SLIT1: variants seen among roughly 807,000 people sequenced by gnomAD.
SLIT1 encodes the protein slit guidance ligand 1, also known as slit homolog 1 protein.
Under a neutral mutation model 186.1 loss-of-function variants are expected in SLIT1, and 66 were observed. The ratio of observed to expected loss-of-function variants is 0.35; its 90% CI spans 0.29 to 0.44. SLIT1 has a LOEUF of 0.44. Among genes scored for constraint, SLIT1 ranks in the 20% least tolerant of loss-of-function variants. The pLI, the probability that SLIT1 is intolerant of heterozygous loss-of-function variation, is 1.00. For synonymous variants in SLIT1, 761 were observed against 833.8 expected, an observed-to-expected ratio of 0.91 and a Z score of 1.50; for missense variants, 1,638 against 2,037.4, an observed-to-expected ratio of 0.80 and a Z score of 3.77.
At chr10:97,185,304 C>A (rs1489372312) in intron 1 of SLIT1, among the ~76,000 whole-genome samples, 174 bp downstream of exon 1, 1 of 152,034 alleles carries the variant, frequency 6.6e-6, no homozygotes, top group Admixed American at 6.5e-5. Flanking sequence ...ATGGGGAAAC[C>A]ACGGCGCTCC....
chr10:97,117,630 A>T (rs1383623263), intron 4 of SLIT1, among the ~76,000 whole-genome samples: 1 of 152,098 alleles, frequency 6.6e-6, no homozygotes, highest in Non-Finnish European at 1.5e-5. Flanking sequence ...TATATAAATA[A>T]TCTCTTCGGT....
Position 97,021,230 on chromosome 10 carries a change from G to A in SLIT1, c.2746+20C>T, listed in dbSNP as rs756976941. 6.8e-6 allele frequency: 11 copies of A among 1,609,678 alleles called. No individual in the cohort carries two copies. The highest frequency in any genetic ancestry group is 8.5e-6 in the Non-Finnish European group (10 of 1,177,688). On this transcript the variant is annotated intron_variant, in intron 26 of 36. Coordinates refer to ENST00000266058, the MANE Select transcript of SLIT1 (RefSeq NM_003061.3). The surrounding 1 kb of genome is among the most constrained non-coding windows in gnomAD (Gnocchi z 4.5). The stretch of plus-strand genomic sequence containing the variant: ...GTTCTGTGAGCCCCCAGCAGCAGGA[G>A]GCTGTGCTCCTAGGCTCACCTTGGC...
At chr10:97,132,333 C>T (rs896971641) in intron 4 of SLIT1, among the ~76,000 whole-genome samples, 1 of 152,194 alleles carries the variant, frequency 6.6e-6, no homozygotes, top group East Asian at 1.9e-4. Context: ...TCTCTCCCCT[C>T]CCCACCAGGT....
intron 4 of SLIT1, among the ~76,000 whole-genome samples, chr10:97,083,384 G>C (rs1849124555): frequency 6.6e-6 from 1 of 152,204 alleles, no homozygotes; most frequent in South Asian, 2.1e-4. Context: ...TCTTCAAACT[G>C]ACGGGCAAGT....
At position 97,043,924 on chromosome 10, in the gene SLIT1, G is replaced by A. The variant is rs1181124907; in HGVS notation, c.1854-411C>T. Among the ~76,000 whole-genome samples, 1 of 152,164 alleles carries A rather than the reference G, an allele frequency of 6.6e-6. No homozygotes were observed. The highest frequency in any genetic ancestry group is 2.4e-5 in the African/African-American group (1 of 41,426). Reference sequence around the variant, plus strand: ...TAACAGCCTCCAAACTGCCCACCGAGTCATGCTCGAACTCCTTACTGTGAC... The same window carrying A: ...TAACAGCCTCCAAACTGCCCACCGAATCATGCTCGAACTCCTTACTGTGAC... On this transcript the variant is annotated intron_variant, in intron 18 of 36. Transcript: ENST00000266058. The surrounding 1 kb of genome is among the most constrained non-coding windows in gnomAD (Gnocchi z 7.0).
intron 13 of SLIT1, among the ~76,000 whole-genome samples, chr10:97,053,222 T>C (rs1415634732): frequency 1.3e-5 from 2 of 152,220 alleles, no homozygotes; most frequent in African/African-American, 4.8e-5. Context: ...CCCCAAGGTT[T>C]TCCTGTGTGT....
intron 3 of SLIT1, among the ~76,000 whole-genome samples, chr10:97,158,872 T>G (rs571524210): frequency 1.0e-3 from 158 of 150,752 alleles, no homozygotes; most frequent in African/African-American, 3.6e-3. Context: ...TGAGACTCTG[T>G]CTCAGAGAAG....
In SLIT1 at chr10:97,185,729, C is replaced by T. The variant is rs1850405610; in HGVS notation, c.-55G>A. The T allele has an allele frequency of 7.2e-7, 1 of 1,395,034 alleles. No homozygotes were observed. Among genetic ancestry groups the T allele is most frequent in the Non-Finnish European group, 9.3e-7 (1 of 1,072,700 alleles). The allele number at this position is 1,395,034 out of a possible 1,614,324, so 86.4% of individuals were successfully genotyped here. A position where few individuals can be genotyped will look rare whatever the true frequency, so the allele number is the denominator to read the frequency against. On this transcript the variant is annotated 5_prime_UTR_variant, in exon 1 of 37. Coordinates refer to ENST00000266058, the MANE Select transcript of SLIT1 (RefSeq NM_003061.3). ...CAGACGGCAGCAGCCGCTGACCATC[C>T]CCGTCCGGGGCCGCCTCCAGGTGCA...
Position 97,058,186 on chromosome 10 carries a change from T to C in SLIT1, c.1086-905A>G, listed in dbSNP as rs1848859106. 4 of 652,696 alleles carry C rather than the reference T, an allele frequency of 6.1e-6. No homozygotes were observed. The South Asian group carries it at 6.6e-5, about 11-fold the overall frequency. 40.4% of individuals were successfully genotyped at this position (652,696 alleles called of 1,614,324 possible). On this transcript the variant is annotated intron_variant, in intron 11 of 36. Transcript: ENST00000266058. ...GGAAGCCACTGAGACAGCATCAGAT[T>C]CCCATTTCAGAAACACCCCTCAAGC...
At chr10:97,030,864 G>C (rs1487904444) in intron 24 of SLIT1, 36 bp from the exon 25 acceptor site, 10 of 1,572,700 alleles carry the variant, frequency 6.4e-6, no homozygotes, top group Non-Finnish European at 8.7e-6. Flanking sequence ...CCTTATCCAG[G>C]GACAGAGATG....
chr10:97,023,795 T>C (rs187405991), intron 25 of SLIT1, among the ~76,000 whole-genome samples: 1 of 152,058 alleles, frequency 6.6e-6, no homozygotes, highest in East Asian at 1.9e-4. Flanking sequence ...GTACAAAAAT[T>C]AGCCGGGTGT....
intron 16 of SLIT1, 39 bp from the exon 17 acceptor site, chr10:97,047,104 A>G (rs763066961): frequency 1.4e-5 from 19 of 1,319,164 alleles, no homozygotes; most frequent in Admixed American, 6.7e-5. Context: ...TTCACAAATG[A>G]TGGACATTTC....
chr10:97,029,868 T>C (rs1444843262), intron 25 of SLIT1, among the ~76,000 whole-genome samples: 1 of 152,238 alleles, frequency 6.6e-6, no homozygotes, highest in African/African-American at 2.4e-5. Flanking sequence ...ACCTCATATA[T>C]ACTGAATCAT....
At chr10:97,083,142 C>T (rs1053358219) in intron 4 of SLIT1, among the ~76,000 whole-genome samples, 2 of 151,748 alleles carry the variant, frequency 1.3e-5, no homozygotes, top group African/African-American at 4.8e-5. Context: ...ACTATGTTGC[C>T]CAGGCTGGTC....
chr10:97,146,576 C>A (rs922123705), intron 4 of SLIT1, among the ~76,000 whole-genome samples: 8 of 151,376 alleles, frequency 5.3e-5, no homozygotes, highest in Non-Finnish European at 1.0e-4. Context: ...CCACTGAACA[C>A]CTCCCAGTAG....
rs1163441363 is a variant in SLIT1, at chr10:97,022,596, C to T, written c.2583-1183G>A. 6.6e-6 allele frequency among the ~76,000 whole-genome samples: 1 copy of T among 152,148 alleles called. No individual in the cohort carries two copies. Among genetic ancestry groups the T allele is most frequent in the Non-Finnish European group, 1.5e-5 (1 of 68,036 alleles). On this transcript the variant is annotated intron_variant, in intron 25 of 36. Coordinates refer to ENST00000266058, the MANE Select transcript of SLIT1 (RefSeq NM_003061.3). This position sits in a 1 kb window ranked among gnomAD's most constrained non-coding sequence, Gnocchi z 4.2. Reference sequence around the variant, plus strand: ...TTGCCTTCTGATCCAGCCATTGTTTCTGGGCGTTTACCTGTAGGCACACAT... The same window carrying T: ...TTGCCTTCTGATCCAGCCATTGTTTTTGGGCGTTTACCTGTAGGCACACAT...
intron 4 of SLIT1, among the ~76,000 whole-genome samples, chr10:97,118,065 A>C (rs1222939133): frequency 6.6e-6 from 1 of 151,572 alleles, no homozygotes; most frequent in Non-Finnish European, 1.5e-5. Context: ...TGCATTTACT[A>C]TTTAAGATTC....
intron 4 of SLIT1, chr10:97,102,527 C>T (rs1849369996): frequency 6.6e-6 from 1 of 152,008 alleles, no homozygotes; most frequent in Admixed American, 6.5e-5. Context: ...ACCTTAGAGA[C>T]TGCCAAAGCT....
At chr10:97,041,254 A>G (rs1848688050) in intron 20 of SLIT1, among the ~76,000 whole-genome samples, 1 of 152,154 alleles carries the variant, frequency 6.6e-6, no homozygotes, top group Non-Finnish European at 1.5e-5. Context: ...GGTTGTCTGA[A>G]TGTCCAGCAG....
Sources: gnomAD v4.1 joint callset for allele counts (sites outside exome capture counted in the v4.1 genomes callset) on GRCh38, gnomAD v4.1.1 for gene constraint, Gnocchi (gnomAD v3.1) non-coding constraint, MANE v1.5 for transcripts, NCBI Gene and HGNC (gene_info 2026-07-23, HGNC 2026-07-21) for gene names.